FA2H: variants seen among roughly 807,000 people sequenced by gnomAD.
The protein encoded by FA2H is fatty acid alpha-hydroxylase.
In FA2H, 22 loss-of-function variants were observed where a neutral mutation model predicts 44.9. The observed-to-expected ratio is 0.49, with a 90% CI of 0.35 to 0.70. The LOEUF (loss-of-function observed/expected upper bound fraction) is 0.70, where lower values mean the gene tolerates loss of function less well. Ranked by LOEUF, FA2H falls within the 30% of genes least tolerant of loss-of-function variation. The pLI, the probability that FA2H is intolerant of heterozygous loss-of-function variation, is 0.01. For synonymous variants in FA2H, 243 were observed against 213.2 expected (o/e 1.14, Z -1.22); for missense variants, 501 against 504.9 (o/e 0.99, Z 0.07).
Position 74,719,174 on chromosome 16 carries a change from G to A in FA2H, c.614-14C>T, listed in dbSNP as rs781156520. ...CCACCGTGTACTCTGCAGGGTGGCA[G>A]GGAGAGCGAGGTGAGGACCGGTGCA... On this transcript the variant is annotated splice_polypyrimidine_tract_variant and intron_variant, in intron 4 of 6. Coordinates refer to ENST00000219368, the MANE Select transcript of FA2H (RefSeq NM_024306.5). 17 of 1,611,326 alleles carry A rather than the reference G, an allele frequency of 1.1e-5. No individual in the cohort carries two copies. Among genetic ancestry groups the A allele is most frequent in the Non-Finnish European group, 1.4e-5 (17 of 1,179,510 alleles).
chr16:74,714,243 C>G lies in FA2H; in HGVS notation c.1066G>C (p.Asp356His), dbSNP rs1208591637. ...GGAGTGAGGGTGTGGAAACAGTAAT[C>G]CCACAATTTAGTGCTGATACCAAAT... Reference protein sequence around the residue: ...SGFGISTKLWDYCFHTLTPEK... With the variant: ...SGFGISTKLWHYCFHTLTPEK... Residue 356 changes from aspartate (D) to histidine (H), a missense_variant, in exon 7 of 7, where the codon GAT (aspartate) becomes CAT (histidine). Physicochemically the swap from Asp to His is moderately conservative, Grantham distance 81. Coordinates refer to ENST00000219368, the MANE Select transcript of FA2H (RefSeq NM_024306.5). The G allele has an allele frequency of 6.4e-7, 1 of 1,563,640 alleles. No homozygotes were observed. Among genetic ancestry groups the G allele is most frequent in the African/African-American group, 1.4e-5 (1 of 73,548 alleles).
chr16:74,716,641 C>T (rs1269216605), intron 5 of FA2H, 42 bp from the exon 6 acceptor site: 3 of 1,519,806 alleles, frequency 2.0e-6, no homozygotes, highest in Non-Finnish European at 2.6e-6. Flanking sequence ...CAGCCAGGGG[C>T]CCCGGCAGCT....
chr16:74,743,148 G>A (rs949734867), intron 1 of FA2H, among the ~76,000 whole-genome samples: 28 of 152,204 alleles, frequency 1.8e-4, no homozygotes, highest in African/African-American at 6.0e-4. Flanking sequence ...CACCATGCCC[G>A]ACCTCTATTT....
intron 4 of FA2H, among the ~76,000 whole-genome samples, chr16:74,719,499 A>G (rs1010497535): frequency 6.6e-6 from 1 of 151,626 alleles, no homozygotes; most frequent in Admixed American, 6.6e-5. Flanking sequence ...AGAAGGCGAC[A>G]CTCCTGAGCC....
Position 74,723,111 on chromosome 16 carries a change from G to A in FA2H, c.613+3114C>T, listed in dbSNP as rs79860485. On this transcript the variant is annotated intron_variant, in intron 4 of 6. Transcript: ENST00000219368. Reference sequence around the variant, plus strand: ...TTTAACCTGAGGCTTATGAATATCCGAGGGTACTACGTTGGATTGCAGAGT... The same window carrying A: ...TTTAACCTGAGGCTTATGAATATCCAAGGGTACTACGTTGGATTGCAGAGT... Among the ~76,000 whole-genome samples the A allele has an allele frequency of 2.1e-3, 326 of 152,292 alleles. 2 individuals are homozygous for A. The highest frequency in any genetic ancestry group is 0.016 in the East Asian group (82 of 5,184).
chr16:74,762,410 A>C (rs147877210), intron 1 of FA2H, among the ~76,000 whole-genome samples: 29 of 152,324 alleles, frequency 1.9e-4, no homozygotes, highest in Middle Eastern at 6.8e-3. Flanking sequence ...TTATTTGCTC[A>C]ACTAAAAATC....
At chr16:74,769,335 G>A (rs999315452) in intron 1 of FA2H, among the ~76,000 whole-genome samples, 2 of 151,986 alleles carry the variant, frequency 1.3e-5, no homozygotes. Context: ...GGGCTCTAGC[G>A]ACCTGCCCAC....
At chr16:74,755,737 C>A (rs935576746) in intron 1 of FA2H, among the ~76,000 whole-genome samples, 5 of 152,178 alleles carry the variant, frequency 3.3e-5, no homozygotes, top group Non-Finnish European at 7.3e-5. Context: ...CTTTTTCTTT[C>A]CAAAGCAGTC....
chr16:74,768,660 T>G (rs1025100439), intron 1 of FA2H, among the ~76,000 whole-genome samples: 3 of 152,132 alleles, frequency 2.0e-5, no homozygotes, highest in South Asian at 2.1e-4. Flanking sequence ...GCTCAAGATG[T>G]TCCCGGTCCT....
At chr16:74,720,180 C>CTTTTTTTTTTTTTTTTTTTTTTTTTT (rs56341013) in intron 4 of FA2H, among the ~76,000 whole-genome samples, 1 of 47,198 alleles carries the variant, frequency 2.1e-5, no homozygotes, top group African/African-American at 1.0e-4. Flanking sequence ...CATCCTCATC[C>CTTTTTTTTTTTTTTTTTTTTTTTTTT]TTTTTTTTTT....
At chr16:74,731,928 G>A (rs542777928) in intron 2 of FA2H, among the ~76,000 whole-genome samples, 1 of 152,166 alleles carries the variant, frequency 6.6e-6, no homozygotes, top group South Asian at 2.1e-4. Flanking sequence ...GTGAGAGTGC[G>A]GTGGCATGGC....
chr16:74,754,374 T>A (rs1223441398), intron 1 of FA2H, among the ~76,000 whole-genome samples: 1 of 151,876 alleles, frequency 6.6e-6, no homozygotes, highest in East Asian at 1.9e-4. Flanking sequence ...CCAGCCTAGG[T>A]GACAGAGCAA....
chr16:74,770,533 C>T (rs537119777), intron 1 of FA2H, among the ~76,000 whole-genome samples: 7 of 152,270 alleles, frequency 4.6e-5, no homozygotes, highest in Admixed American at 3.3e-4. Flanking sequence ...CACGAGCCAC[C>T]ACACCCAGCT....
rs75631460 is a variant in FA2H, at chr16:74,733,234, G to C, written c.364-5848C>G. Among the ~76,000 whole-genome samples the C allele has an allele frequency of 2.6e-3, 402 of 152,278 alleles. 1 individual carries two copies. The highest frequency in any genetic ancestry group is 9.4e-3 in the African/African-American group (391 of 41,556). Reference sequence around the variant, plus strand: ...CTCGCTCTCCCTTCTGTGAACACCCGCCTCAGTCATCAAAGGCCAACACCT... The same window carrying C: ...CTCGCTCTCCCTTCTGTGAACACCCCCCTCAGTCATCAAAGGCCAACACCT... On this transcript the variant is annotated intron_variant, in intron 2 of 6. Transcript: ENST00000219368.
At chr16:74,758,813 G>C (rs1962659090) in intron 1 of FA2H, among the ~76,000 whole-genome samples, 2 of 152,296 alleles carry the variant, frequency 1.3e-5, no homozygotes, top group Middle Eastern at 3.4e-3. Flanking sequence ...GGACACAGTG[G>C]ATTTGAAACA....
Position 74,754,739 on chromosome 16 carries a change from G to C in FA2H, c.271-14624C>G, listed in dbSNP as rs568038107. On this transcript the variant is annotated intron_variant, in intron 1 of 6. Transcript: ENST00000219368. ...GACAGGGTCTCCCTATGTTGCCCAG[G>C]TTGGTCTCAAACTTCTGGGCTCAAG... Among the ~76,000 whole-genome samples the C allele has an allele frequency of 1.2e-4, 19 of 152,088 alleles. No homozygotes were observed. In the South Asian group the frequency reaches 3.7e-3, roughly 30 times the overall value.
intron 1 of FA2H, among the ~76,000 whole-genome samples, chr16:74,755,119 C>T (rs1307735968): frequency 6.6e-6 from 1 of 151,882 alleles, no homozygotes; most frequent in Non-Finnish European, 1.5e-5. Flanking sequence ...ATCTTGATGT[C>T]CGCTGTCCAG....
chr16:74,774,468 G>GC lies in FA2H; in HGVS notation c.270+17dup. 2.0e-6 allele frequency: 3 copies of GC among 1,498,486 alleles called. No homozygotes were observed. The highest frequency in any genetic ancestry group is 2.7e-6 in the Non-Finnish European group (3 of 1,129,836). 92.8% of individuals were successfully genotyped at this position (1,498,486 alleles called of 1,614,324 possible). A position where few individuals can be genotyped will look rare whatever the true frequency, so the allele number is the denominator to read the frequency against. On this transcript the variant is annotated intron_variant, in intron 1 of 6. Coordinates refer to ENST00000219368, the MANE Select transcript of FA2H (RefSeq NM_024306.5). ...ACGGAGGCCTGGGTTGGGGTGGGGG[G>GC]CCCCGGCCCGGCTGTACCTGCTGCT...
At chr16:74,718,878 A>G in intron 5 of FA2H, 110 bp downstream of exon 5, 1 of 1,324,554 alleles carries the variant, frequency 7.5e-7, no homozygotes. Context: ...GTCCCTCCCA[A>G]CCCACAGCCA....
Sources: gnomAD v4.1 joint callset for allele counts (sites outside exome capture counted in the v4.1 genomes callset) on GRCh38, gnomAD v4.1.1 for gene constraint, MANE v1.5 for transcripts, NCBI Gene and HGNC (gene_info 2026-07-23, HGNC 2026-07-21) for gene names.